The following ALPK1 variants were observed in gnomAD, a reference collection of about 807,000 sequenced individuals.
The protein encoded by ALPK1 is alpha-protein kinase 1.
A neutral mutation model predicts 120.6 loss-of-function variants in ALPK1; 110 were observed. That is an observed-to-expected ratio of 0.91 (90% CI 0.78 to 1.07). The LOEUF is 1.07. ALPK1 is among the 50% of genes least tolerant of loss of function. The pLI is 0.00. For missense variants in ALPK1, 1,498 were observed against 1,483.9 expected (o/e 1.01, Z -0.16); for synonymous variants, 582 against 560.3 (o/e 1.04, Z -0.55).
At chr4:112,390,854 G>C (rs1232214252) in intron 4 of ALPK1, among the ~76,000 whole-genome samples, 1 of 152,158 alleles carries the variant, frequency 6.6e-6, no homozygotes, top group Non-Finnish European at 1.5e-5. Context: ...AATGCTATTT[G>C]TTGTGCATAT....
chr4:112,401,298 C>T (rs1324356772), intron 4 of ALPK1, among the ~76,000 whole-genome samples: 1 of 152,154 alleles, frequency 6.6e-6, no homozygotes, highest in Non-Finnish European at 1.5e-5. Flanking sequence ...CATGAGATGA[C>T]TGATGGGATA....
intron 2 of ALPK1, among the ~76,000 whole-genome samples, chr4:112,347,197 A>G (rs1730137071): frequency 6.6e-6 from 1 of 152,232 alleles, no homozygotes; most frequent in Non-Finnish European, 1.5e-5. Flanking sequence ...TGTTAAACTA[A>G]TGATTTCTGC....
At chr4:112,327,509 A>C (rs1048209731) in intron 2 of ALPK1, among the ~76,000 whole-genome samples, 2 of 152,128 alleles carry the variant, frequency 1.3e-5, no homozygotes, top group African/African-American at 2.4e-5. Context: ...ATCATAGCTC[A>C]CTATAACCTT....
rs778825122 is a variant in ALPK1 at position 112,430,638 on chromosome 4, T to C, written c.1091T>C (p.Val364Ala). 2.4e-5 allele frequency: 39 copies of C among 1,614,092 alleles called. No homozygotes were observed. Among genetic ancestry groups the C allele is most frequent in the Non-Finnish European group, 3.2e-5 (38 of 1,180,008 alleles). The change falls in exon 11 of 16, where the codon GTG becomes GCG. Residue 364 changes from valine to alanine, a missense_variant. By Grantham distance (64) the Val-to-Ala change is moderately conservative (BLOSUM62 0). Coordinates refer to ENST00000650871, the MANE Select transcript of ALPK1 (RefSeq NM_025144.4). ...FVKAAFGLTT[V>A]HRRLHGETGT... ...AAAGCTGCTTTCGGTCTCACCACAG[T>C]GCACAGAAGGCTCCATGGGGAGACA...
At chr4:112,356,876 G>T in intron 2 of ALPK1, 1 of 743,562 alleles carries the variant, frequency 1.3e-6, no homozygotes. Context: ...CGTGATCTTT[G>T]ATGAAACTCA....
Position 112,432,546 on chromosome 4 carries a change from G to T in ALPK1, c.2999G>T (p.Gly1000Val). 1 of 1,613,688 alleles carries T rather than the reference G, an allele frequency of 6.2e-7. No individual in the cohort carries two copies. The highest frequency in any genetic ancestry group is 8.5e-7 in the Non-Finnish European group (1 of 1,179,994). ...DWLFQRLENT[G>V]VFKPSQLHRA... ...CTGTTTCAGAGACTAGAGAATACGG[G>T]GGTTTTTAAGCCCAGTCAACTCCAC... is the stretch of plus-strand genomic sequence containing the variant. The change falls in exon 11 of 16, where the codon GGG becomes GTG. Residue 1000 changes from glycine (G) to valine (V), a missense_variant. By Grantham distance (109) the Gly-to-Val change is moderately radical. Transcript: ENST00000650871.
intron 2 of ALPK1, among the ~76,000 whole-genome samples, chr4:112,355,274 T>C: frequency 6.6e-6 from 1 of 152,198 alleles, no homozygotes; most frequent in Non-Finnish European, 1.5e-5. Flanking sequence ...TGTTGAACGA[T>C]TTGTAAAATT....
At chr4:112,356,696 C>G in intron 2 of ALPK1, 1 of 978,298 alleles carries the variant, frequency 1.0e-6, no homozygotes, top group South Asian at 1.3e-5. Context: ...GCTGGCCAGC[C>G]CCATCCTGGA....
Position 112,310,997 on chromosome 4 carries a change from T to C in ALPK1, c.-152-4804T>C, listed in dbSNP as rs185738226. On this transcript the variant is annotated intron_variant, in intron 1 of 15. Transcript: ENST00000650871. ...TCTCCAGCTTTAGAAAGGAGGAAAC[T>C]GAGGTCTATCAGGGAAAGGTGACTT... Among the ~76,000 whole-genome samples, 3 of 151,276 alleles carry C rather than the reference T, an allele frequency of 2.0e-5. No homozygotes were observed. In the East Asian group the frequency reaches 5.8e-4, roughly 29 times the overall value.
At chr4:112,348,783 A>G (rs989453725) in intron 2 of ALPK1, among the ~76,000 whole-genome samples, 1 of 152,232 alleles carries the variant, frequency 6.6e-6, no homozygotes, top group African/African-American at 2.4e-5. Context: ...ATGTCAGCCC[A>G]GGAGTGTGGT....
At chr4:112,407,806 A>G (rs923682236) in intron 4 of ALPK1, among the ~76,000 whole-genome samples, 4 of 152,108 alleles carry the variant, frequency 2.6e-5, no homozygotes, top group South Asian at 2.1e-4. Context: ...GAAGTGAGAC[A>G]CTAGTAAGAA....
chr4:112,403,907 G>A (rs1246670305), intron 4 of ALPK1, among the ~76,000 whole-genome samples: 1 of 152,194 alleles, frequency 6.6e-6, no homozygotes, highest in Non-Finnish European at 1.5e-5. Flanking sequence ...CAAATATATG[G>A]CGTGTTCTTG....
intron 2 of ALPK1, among the ~76,000 whole-genome samples, chr4:112,365,238 C>A (rs1214688189): frequency 6.6e-6 from 1 of 152,026 alleles, no homozygotes; most frequent in Admixed American, 6.6e-5. Flanking sequence ...TAAAGGGCAT[C>A]CAAGTTGGTA....
chr4:112,377,080 G>A (rs1731698457), intron 2 of ALPK1, among the ~76,000 whole-genome samples: 1 of 152,122 alleles, frequency 6.6e-6, no homozygotes, highest in East Asian at 1.9e-4. Context: ...AGATCCATAT[G>A]ACAGATCCAT....
intron 13 of ALPK1, 128 bp downstream of exon 13, chr4:112,438,774 A>T (rs1052369819): frequency 3.9e-6 from 4 of 1,031,258 alleles, no homozygotes; most frequent in South Asian, 1.7e-5. Flanking sequence ...TTGTCCCTGT[A>T]CTTTCCAAGA....
intron 1 of ALPK1, chr4:112,302,551 G>A (rs766320883): frequency 2.6e-5 from 4 of 152,154 alleles, no homozygotes; most frequent in Admixed American, 1.3e-4. Flanking sequence ...CGCAACCAGA[G>A]CACCTCTGCC....
intron 2 of ALPK1, among the ~76,000 whole-genome samples, chr4:112,349,330 T>C (rs1256848893): frequency 6.6e-6 from 1 of 152,160 alleles, no homozygotes; most frequent in South Asian, 2.1e-4. Flanking sequence ...TAAATGGTAA[T>C]GAAGCCAACA....
chr4:112,352,800 G>T (rs946992094), intron 2 of ALPK1: 1 of 152,010 alleles, frequency 6.6e-6, no homozygotes, highest in Non-Finnish European at 1.5e-5. Flanking sequence ...ATATTTCTAA[G>T]ATTTACCCAT....
intron 5 of ALPK1, among the ~76,000 whole-genome samples, chr4:112,418,127 A>T (rs746366457): frequency 6.6e-6 from 1 of 152,172 alleles, no homozygotes; most frequent in Non-Finnish European, 1.5e-5. Flanking sequence ...TAGAACACCT[A>T]AAAAAGAGCT....
Sources: allele counts gnomAD v4.1 joint callset (sites outside exome capture counted in the v4.1 genomes callset), GRCh38; gene constraint gnomAD v4.1.1; transcripts MANE v1.5; gene names NCBI Gene and HGNC (gene_info 2026-07-23, HGNC 2026-07-21).